Variants in CCT7 observed in about 807,000 individuals in gnomAD.
The protein encoded by CCT7 is chaperonin containing TCP1 subunit 7.
In CCT7, 16 loss-of-function variants were observed where a neutral mutation model predicts 56.6. The ratio of observed to expected loss-of-function variants is 0.28; its 90% CI spans 0.19 to 0.43. The LOEUF (loss-of-function observed/expected upper bound fraction) is 0.43, where lower values mean the gene tolerates loss of function less well. CCT7 is among the 20% of genes least tolerant of loss of function. CCT7 has a pLI of 1.00. For missense variants in CCT7, 519 were observed against 685.6 expected (o/e 0.76, Z 2.71); for synonymous variants, 262 against 254.8 (o/e 1.03, Z -0.27).
rs1687497197 is a variant in CCT7, at chr2:73,249,867, G to A, written c.1021G>A (p.Val341Met). ...QTSVNALSAD[V>M]LGRCQVFEET... ...CAGTGTGAATGCTCTGTCAGCAGATGTGCTGGGTCGATGCCAGGTGTTTGA... is the reference window on the plus strand; with the variant it reads ...CAGTGTGAATGCTCTGTCAGCAGATATGCTGGGTCGATGCCAGGTGTTTGA... The change falls in exon 9 of 12, where the codon GTG becomes ATG. Residue 341 changes from valine (V) to methionine (M), a missense_variant. Transcript: ENST00000258091. 3 of 1,613,952 alleles carry A rather than the reference G, an allele frequency of 1.9e-6. No homozygotes were observed. In the African/African-American group the frequency reaches 4.0e-5, roughly 22 times the overall value.
At chr2:73,247,184 T>C (rs1344897775) in intron 6 of CCT7, among the ~76,000 whole-genome samples, 7 of 152,100 alleles carry the variant, frequency 4.6e-5, no homozygotes, top group Admixed American at 1.3e-4. Flanking sequence ...GCTTAGAAAT[T>C]ATGCAGGGGA....
chr2:73,250,059 C>A, intron 9 of CCT7, 143 bp downstream of exon 9: 1 of 724,568 alleles, frequency 1.4e-6, no homozygotes. Flanking sequence ...CACCTTTGAG[C>A]CATAAAGAGC....
chr2:73,252,397 T>G (rs939227177), intron 11 of CCT7, among the ~76,000 whole-genome samples: 41 of 149,294 alleles, frequency 2.7e-4, no homozygotes, highest in Non-Finnish European at 5.5e-4. Context: ...ACACAACAGC[T>G]TGCCTGGGAG....
chr2:73,237,381 C>G (rs926522407), intron 1 of CCT7, among the ~76,000 whole-genome samples: 3 of 152,150 alleles, frequency 2.0e-5, no homozygotes, highest in Non-Finnish European at 2.9e-5. Context: ...GTGAAAGAAC[C>G]TGTTGAAGGT....
intron 1 of CCT7, among the ~76,000 whole-genome samples, chr2:73,236,307 T>G (rs942562331): frequency 6.6e-6 from 1 of 152,174 alleles, no homozygotes. Context: ...CCATTATACC[T>G]GTGGCCAATT....
intron 5 of CCT7, 54 bp from the exon 6 acceptor site, chr2:73,244,490 A>G (rs1687249487): frequency 2.7e-6 from 4 of 1,489,846 alleles, no homozygotes; most frequent in Non-Finnish European, 2.8e-6. Flanking sequence ...GTAGAATCAG[A>G]TAAGAGGGAT....
At chr2:73,240,901 T>C (rs1459793031) in intron 3 of CCT7, among the ~76,000 whole-genome samples, 1 of 119,216 alleles carries the variant, frequency 8.4e-6, no homozygotes, top group Non-Finnish European at 1.9e-5. Context: ...CCTTTCTTTC[T>C]TTTTTTTTTT....
At chr2:73,235,402 T>C in intron 1 of CCT7, 1 of 224,164 alleles carries the variant, frequency 4.5e-6, no homozygotes, top group Non-Finnish European at 7.8e-6. Context: ...CTTCTGCTCT[T>C]TTCCTGCTTC....
intron 10 of CCT7, 36 bp downstream of exon 10, chr2:73,250,474 C>T (rs1320034107): frequency 1.9e-6 from 3 of 1,610,868 alleles, no homozygotes; most frequent in Non-Finnish European, 2.5e-6. Context: ...GCACAGCCTA[C>T]TCTCTCCTAT....
At chr2:73,240,061 T>A in intron 2 of CCT7, 1 of 404,862 alleles carries the variant, frequency 2.5e-6, no homozygotes, top group Non-Finnish European at 4.4e-6. Flanking sequence ...GAGTTTCCTG[T>A]GTTCACTTCC....
At chr2:73,239,404 T>C in intron 1 of CCT7, 2 of 471,618 alleles carry the variant, frequency 4.2e-6, no homozygotes, top group East Asian at 7.8e-5. Context: ...TTAGATTAGG[T>C]CAGTGCTTCT....
chr2:73,251,091 T>TG (rs1687555761), intron 10 of CCT7, 135 bp from the exon 11 acceptor site: 1 of 741,602 alleles, frequency 1.3e-6, no homozygotes, highest in Admixed American at 2.3e-5. Flanking sequence ...GGGCTGTGTC[T>TG]GGGCGTTTGG....
chr2:73,245,542 G>A (rs7557055), intron 6 of CCT7, among the ~76,000 whole-genome samples: 83,837 of 152,090 alleles, frequency 0.55, 24,869 homozygotes, highest in African/African-American at 0.8. Flanking sequence ...AGTGGCTACT[G>A]TCTTGGACAG....
intron 10 of CCT7, among the ~76,000 whole-genome samples, chr2:73,250,835 G>A (rs1364422335): frequency 1.3e-5 from 2 of 151,856 alleles, no homozygotes; most frequent in Non-Finnish European, 2.9e-5. Flanking sequence ...AGCTACTCGG[G>A]AGGCTGAGGT....
chr2:73,240,300 T>G, intron 2 of CCT7, 137 bp from the exon 3 acceptor site: 2 of 521,494 alleles, frequency 3.8e-6, no homozygotes, highest in East Asian at 3.2e-5. Context: ...TATAGAAAGA[T>G]CAGATAGGTA....
In CCT7 at chr2:73,251,218, C is replaced by G; in HGVS notation, c.1204-8C>G. The stretch of plus-strand genomic sequence containing the variant: ...CTCTTACATTGAGAGGTGGTCTGAT[C>G]TCTGCAGAATGATTCAGTGGTGGCT... On this transcript the variant is annotated splice_region_variant and splice_polypyrimidine_tract_variant and intron_variant, in intron 10 of 11. Transcript: ENST00000258091. The G allele has an allele frequency of 6.2e-7, 1 of 1,613,958 alleles. No homozygotes were observed. The highest frequency in any genetic ancestry group is 8.5e-7 in the Non-Finnish European group (1 of 1,179,878).
intron 1 of CCT7, among the ~76,000 whole-genome samples, chr2:73,234,588 G>A (rs1476572588): frequency 6.6e-6 from 1 of 152,090 alleles, no homozygotes; most frequent in Non-Finnish European, 1.5e-5. Flanking sequence ...GGGCTGCGTG[G>A]GGCTTTAGAG....
At chr2:73,235,972 C>T (rs1200886589) in intron 1 of CCT7, among the ~76,000 whole-genome samples, 1 of 152,172 alleles carries the variant, frequency 6.6e-6, no homozygotes, top group Non-Finnish European at 1.5e-5. Flanking sequence ...TTGACGTTTC[C>T]CTGCTGTATT....
chr2:73,245,165 G>A (rs1372082435), intron 6 of CCT7, among the ~76,000 whole-genome samples: 7 of 152,160 alleles, frequency 4.6e-5, no homozygotes, highest in Admixed American at 4.6e-4. Context: ...AGTGTTTCAT[G>A]CACTACCCCT....
Sources: gnomAD v4.1 joint callset for allele counts (sites outside exome capture counted in the v4.1 genomes callset) on GRCh38, gnomAD v4.1.1 for gene constraint, MANE v1.5 for transcripts, NCBI Gene and HGNC (gene_info 2026-07-23, HGNC 2026-07-21) for gene names.